Variants in DNAJB4 observed in about 807,000 individuals in gnomAD.
DNAJB4 encodes the protein DnaJ heat shock protein family (Hsp40) member B4, also known as dnaJ homolog subfamily B member 4.
In DNAJB4, 10 loss-of-function variants were observed where a neutral mutation model predicts 26.6. That is an observed-to-expected ratio of 0.38 (90% confidence interval 0.23 to 0.64). The LOEUF (loss-of-function observed/expected upper bound fraction) is 0.64. Among genes scored for constraint, DNAJB4 ranks in the 30% least tolerant of loss-of-function variants. The pLI is 0.58. For synonymous variants in DNAJB4, 136 were observed against 134.8 expected (o/e 1.01, Z -0.06); for missense variants, 328 against 408.2 (o/e 0.80, Z 1.69).
At chr1:78,002,941 G>A (rs369959737), upstream of DNAJB4, among the ~76,000 whole-genome samples, 1 of 151,934 alleles carries the variant, frequency 6.6e-6, no homozygotes, top group South Asian at 2.1e-4. Flanking sequence ...TGAAAGACCC[G>A]GTCTTCAGGT....
intron 1 of DNAJB4, among the ~76,000 whole-genome samples, chr1:77,990,231 T>C (rs568850097): frequency 1.8e-4 from 27 of 152,332 alleles, no homozygotes; most frequent in Middle Eastern, 3.4e-3. Context: ...TTCTGTCTTT[T>C]TTATTGTCTC....
intron 1 of DNAJB4, among the ~76,000 whole-genome samples, chr1:77,988,098 C>A (rs1212739283): frequency 1.4e-5 from 2 of 146,594 alleles, no homozygotes; most frequent in African/African-American, 2.5e-5. Flanking sequence ...AATCAGAGCT[C>A]ACTGTAACCT....
At chr1:77,999,718 ACT>A (rs1660147870) in intron 1 of DNAJB4, among the ~76,000 whole-genome samples, 1 of 152,300 alleles carries the variant, frequency 6.6e-6, no homozygotes, top group African/African-American at 2.4e-5. Flanking sequence ...ATCTCATCTG[ACT>A]CTCACAATAA....
rs779035311 is a variant in DNAJB4, at chr1:78,013,116, G to A, written c.277G>A (p.Asp93Asn). 32 of 1,613,958 alleles carry A rather than the reference G, an allele frequency of 2.0e-5. No individual in the cohort carries two copies. In the African/African-American group the frequency reaches 3.1e-4, roughly 15 times the overall value. The stretch of plus-strand genomic sequence containing the variant: ...TACCTTCCGGTACACCTTTCATGGC[G>A]ATCCTCATGCTACATTTGCTGCATT... ...GGTFRYTFHG[D>N]PHATFAAFFG... The change falls in exon 2 of 3, where the codon GAT becomes AAT. Residue 93 changes from aspartate to asparagine, a missense_variant. By Grantham distance (23) the Asp-to-Asn change is conservative (BLOSUM62 1). Transcript: ENST00000370763.
At chr1:78,004,931 G>A (rs1660291062), upstream of DNAJB4, 2 of 640,838 alleles carry the variant, frequency 3.1e-6, no homozygotes, top group Non-Finnish European at 5.5e-6. Flanking sequence ...TAAGTGAGCC[G>A]TTGGGGAAGG....
Position 78,005,377 on chromosome 1 carries a change from T to C in DNAJB4, c.211+56T>C, listed in dbSNP as rs1415571856. On this transcript the variant is annotated intron_variant, in intron 1 of 2. Transcript: ENST00000370763. The stretch of plus-strand genomic sequence containing the variant: ...TTCAGCTCTGTCTCTTTTTTTTTTT[T>C]CTCTCTCTCTGCCAGCCTTTTTCCC... 6.5e-6 allele frequency: 6 copies of C among 920,004 alleles called. No homozygotes were observed. The African/African-American group carries it at 1.8e-4, about 27-fold the overall frequency. 57.0% of individuals were successfully genotyped at this position (920,004 alleles called of 1,614,324 possible).
chr1:78,005,964 A>C (rs987757608), intron 1 of DNAJB4, among the ~76,000 whole-genome samples: 3 of 152,242 alleles, frequency 2.0e-5, no homozygotes, highest in African/African-American at 4.8e-5. Context: ...TTTTTAGCTT[A>C]ATTGTAAACA....
At position 78,017,644 on chromosome 1, in the gene DNAJB4, C is replaced by T. The variant is rs1660674132; in HGVS notation, c.*1397C>T. 6.6e-6 allele frequency: 1 copy of T among 152,068 alleles called. No homozygotes were observed. Among genetic ancestry groups the T allele is most frequent in the South Asian group, 2.1e-4 (1 of 4,834 alleles). 9.4% of individuals were successfully genotyped at this position (152,068 alleles called of 1,614,324 possible). A position where few individuals can be genotyped will look rare whatever the true frequency, so the allele number is the denominator to read the frequency against. The stretch of plus-strand genomic sequence containing the variant: ...ATCACCCCAAAAAGAAATCCTAAAT[C>T]CATTAGCAGTTACTTCCCATTCTTC... On this transcript the variant is annotated 3_prime_UTR_variant, in exon 3 of 3. Coordinates refer to ENST00000370763, the MANE Select transcript of DNAJB4 (RefSeq NM_007034.5).
chr1:78,007,580 CAAAAAAAGAAAAGG>C (rs1660362429), intron 1 of DNAJB4, among the ~76,000 whole-genome samples: 1 of 150,778 alleles, frequency 6.6e-6, no homozygotes, highest in South Asian at 2.1e-4. Flanking sequence ...GACCTCATCT[CAAAAAAAGAAAAGG>C]AAAAAAAGAA....
intron 1 of DNAJB4, chr1:77,992,914 G>A (rs1164096941): frequency 6.6e-6 from 1 of 152,210 alleles, no homozygotes; most frequent in Non-Finnish European, 1.5e-5. Flanking sequence ...AGTAGAGACA[G>A]GGTTTAACCA....
intron 1 of DNAJB4, among the ~76,000 whole-genome samples, chr1:77,991,754 C>G (rs191973962): frequency 7.6e-4 from 115 of 152,176 alleles, no homozygotes; most frequent in African/African-American, 2.3e-3. Flanking sequence ...TTAAAATGGC[C>G]TCTAAGCATA....
intron 1 of DNAJB4, among the ~76,000 whole-genome samples, chr1:77,988,814 T>A (rs1418183319): frequency 5.3e-5 from 8 of 152,194 alleles, no homozygotes; most frequent in Non-Finnish European, 1.2e-4. Flanking sequence ...CTCCCCCTAC[T>A]AGAATGTACA....
intron 1 of DNAJB4, chr1:77,981,056 A>G (rs1032608610): frequency 2.6e-5 from 4 of 152,136 alleles, no homozygotes; most frequent in African/African-American, 9.7e-5. Flanking sequence ...AGATCTTTTG[A>G]TCAATGTAAT....
chr1:77,991,121 G>T (rs1448553895), intron 1 of DNAJB4, among the ~76,000 whole-genome samples: 1 of 152,290 alleles, frequency 6.6e-6, no homozygotes, highest in Admixed American at 6.5e-5. Flanking sequence ...TAAGCTAGGT[G>T]AAGGGCTCCT....
chr1:78,016,818 GTTCTTAAGGCAGATC>G lies in DNAJB4; in HGVS notation c.*574_*588del, dbSNP rs1266539913. ...CATTTCTTAATAACATCGTTGTGAT[GTTCTTAAGGCAGATC>G]TTTCTTCATAAAAAGGAAAGTAATG... is the stretch of plus-strand genomic sequence containing the variant. On this transcript the variant is annotated 3_prime_UTR_variant, in exon 3 of 3. Transcript: ENST00000370763. 3.9e-5 allele frequency: 6 copies of G among 152,214 alleles called. No individual in the cohort carries two copies. The highest frequency in any genetic ancestry group is 1.4e-4 in the African/African-American group (6 of 41,432). The allele number at this position is 152,214 out of a possible 1,614,324, so 9.4% of individuals were successfully genotyped here. A position where few individuals can be genotyped will look rare whatever the true frequency, so the allele number is the denominator to read the frequency against.
chr1:77,981,070 C>T (rs895270622), intron 1 of DNAJB4: 16 of 151,944 alleles, frequency 1.1e-4, no homozygotes, highest in Non-Finnish European at 2.2e-4. Flanking sequence ...ATGTAATTTA[C>T]CACAGTGCTA....
chr1:77,997,016 T>A (rs779577303), intron 1 of DNAJB4, among the ~76,000 whole-genome samples: 32 of 152,210 alleles, frequency 2.1e-4, no homozygotes, highest in Non-Finnish European at 3.1e-4. Context: ...AATGAAACTT[T>A]GTTAAGAACC....
intron 1 of DNAJB4, among the ~76,000 whole-genome samples, chr1:77,984,419 A>G (rs1659744194): frequency 6.6e-6 from 1 of 152,092 alleles, no homozygotes; most frequent in Non-Finnish European, 1.5e-5. Context: ...GACCTACTGA[A>G]TCATGTTTTG....
intron 1 of DNAJB4, among the ~76,000 whole-genome samples, chr1:77,999,039 C>G (rs557335181): frequency 1.3e-5 from 2 of 152,164 alleles, no homozygotes; most frequent in Admixed American, 1.3e-4. Flanking sequence ...TGCAAACTTA[C>G]ATCAAGCATT....
Sources: allele counts gnomAD v4.1 joint callset (sites outside exome capture counted in the v4.1 genomes callset), GRCh38; gene constraint gnomAD v4.1.1; transcripts MANE v1.5; gene names NCBI Gene and HGNC (gene_info 2026-07-23, HGNC 2026-07-21).